ENPP3: variants seen among roughly 807,000 people sequenced by gnomAD.
ENPP3 encodes the protein ectonucleotide pyrophosphatase/phosphodiesterase 3, also known as ectonucleotide pyrophosphatase/phosphodiesterase family member 3.
ENPP3 carries 104 observed loss-of-function variants against 117.8 expected under a neutral mutation model. The observed-to-expected ratio is 0.88, with a 90% CI of 0.75 to 1.04. ENPP3 has a LOEUF of 1.04. Ranked by LOEUF, ENPP3 falls within the 50% of genes least tolerant of loss-of-function variation. The pLI is 0.00. For synonymous variants in ENPP3, 380 were observed against 349.9 expected, an observed-to-expected ratio of 1.09 and a Z score of -0.96; for missense variants, 1,026 against 1,051.9, an observed-to-expected ratio of 0.98 and a Z score of 0.34.
rs568440389 is a variant in ENPP3 at position 131,733,704 on chromosome 6, C to T, written c.2070C>T (p.His690=). 38 of 1,613,942 alleles carry T rather than the reference C, an allele frequency of 2.4e-5. No homozygotes were observed. Among genetic ancestry groups the T allele is most frequent in the African/African-American group, 4.0e-5 (3 of 74,910 alleles). The change falls in exon 21 of 25, where the codon CAC becomes CAT. Residue 690 remains histidine, a synonymous_variant. Coordinates refer to ENST00000357639, the MANE Select transcript of ENPP3 (RefSeq NM_005021.5). ...SFYLADKNIT[H]GFLYPPASNR... is the part of the protein sequence containing the mutation. ...ATTTAGCAGACAAGAATATCACCCA[C>T]GGCTTCCTCTATCCTCCTGGTTAGT...
intron 6 of ENPP3, among the ~76,000 whole-genome samples, chr6:131,661,983 C>T (rs929149415): frequency 1.3e-5 from 2 of 152,172 alleles, no homozygotes; most frequent in African/African-American, 2.4e-5. Context: ...AGACCAATGT[C>T]ATGCAGATTT....
At chr6:131,695,314 G>C (rs1779381331) in intron 15 of ENPP3, among the ~76,000 whole-genome samples, 1 of 152,146 alleles carries the variant, frequency 6.6e-6, no homozygotes, top group African/African-American at 2.4e-5. Flanking sequence ...GCTGTAAAGT[G>C]AGAGCTCGCC....
At chr6:131,726,427 AGGCCAATT>A (rs1780156327) in intron 20 of ENPP3, among the ~76,000 whole-genome samples, 1 of 152,212 alleles carries the variant, frequency 6.6e-6, no homozygotes, top group African/African-American at 2.4e-5. Context: ...AAATGTTTAC[AGGCCAATT>A]GGCCAATTGG....
chr6:131,679,230 G>A (rs1264317887), intron 11 of ENPP3, among the ~76,000 whole-genome samples: 2 of 151,592 alleles, frequency 1.3e-5, no homozygotes, highest in Non-Finnish European at 2.9e-5. Flanking sequence ...GAGTAGCTGG[G>A]ACTACAGGCA....
intron 11 of ENPP3, among the ~76,000 whole-genome samples, chr6:131,682,308 A>T (rs1779039467): frequency 6.6e-6 from 1 of 151,956 alleles, no homozygotes; most frequent in African/African-American, 2.4e-5. Context: ...AGCCTGGGAA[A>T]CTTAATGAGA....
chr6:131,740,283 G>A lies in ENPP3; in HGVS notation c.2360G>A (p.Cys787Tyr). Residue 787 changes from cysteine (C) to tyrosine (Y), a missense_variant, in exon 24 of 25, where the codon TGT (cysteine) becomes TAT (tyrosine). Coordinates refer to ENST00000357639, the MANE Select transcript of ENPP3 (RefSeq NM_005021.5). Reference sequence around the variant, plus strand: ...CACTACTTTGTGGTGCTGACCAGTTGTAAAAACAAGAGCCACACACCGGAA... The same window carrying A: ...CACTACTTTGTGGTGCTGACCAGTTATAAAAACAAGAGCCACACACCGGAA... Reference protein sequence around the residue: ...PTHYFVVLTSCKNKSHTPENC... With the variant: ...PTHYFVVLTSYKNKSHTPENC... 1 of 1,613,250 alleles carries A rather than the reference G, an allele frequency of 6.2e-7. No homozygotes were observed. The highest frequency in any genetic ancestry group is 8.5e-7 in the Non-Finnish European group (1 of 1,179,528).
In ENPP3 at chr6:131,747,141, T is replaced by C. The variant is rs1780654293; in HGVS notation, c.*185T>C. 2.4e-6 allele frequency: 1 copy of C among 409,272 alleles called. No homozygotes were observed. The highest frequency in any genetic ancestry group is 2.1e-5 in the African/African-American group (1 of 48,256). 25.4% of individuals were successfully genotyped at this position (409,272 alleles called of 1,614,324 possible). A position where few individuals can be genotyped will look rare whatever the true frequency, so the allele number is the denominator to read the frequency against. ...CTATGAATATGTATTATTTTAAAGT[T>C]ATATTTTTCACACAGAGATGATGCT... On this transcript the variant is annotated 3_prime_UTR_variant, in exon 25 of 25. Coordinates refer to ENST00000357639, the MANE Select transcript of ENPP3 (RefSeq NM_005021.5).
chr6:131,687,976 A>G (rs577384288), intron 14 of ENPP3, among the ~76,000 whole-genome samples: 75 of 152,132 alleles, frequency 4.9e-4, no homozygotes, highest in Non-Finnish European at 8.5e-4. Flanking sequence ...TTTTTTACCA[A>G]TTGAAGGTTT....
rs142416763 is a variant in ENPP3, at chr6:131,637,647, A to C, written c.78+185A>C. 3.4e-3 allele frequency among the ~76,000 whole-genome samples: 523 copies of C among 152,348 alleles called. 5 individuals carry two copies. The highest frequency in any genetic ancestry group is 0.012 in the African/African-American group (503 of 41,578). ...CTTAAATCATATTTTACACGTAAGAAATTTGAGTAACAACAAGTTAACATT... is the reference window on the plus strand; with the variant it reads ...CTTAAATCATATTTTACACGTAAGACATTTGAGTAACAACAAGTTAACATT... On this transcript the variant is annotated intron_variant, in intron 1 of 24. Coordinates refer to ENST00000357639, the MANE Select transcript of ENPP3 (RefSeq NM_005021.5).
chr6:131,644,553 A>G (rs1425883326), intron 2 of ENPP3, among the ~76,000 whole-genome samples: 1 of 152,226 alleles, frequency 6.6e-6, no homozygotes, highest in African/African-American at 2.4e-5. Flanking sequence ...TTGTATGAAC[A>G]TCTGGAAACA....
In ENPP3 at chr6:131,652,838, C is replaced by T. The variant is rs759361898; in HGVS notation, c.411C>T (p.Thr137=). Residue 137 remains threonine (T), a synonymous_variant, in exon 5 of 25, where the codon ACC becomes ACT. Transcript: ENST00000357639. The stretch of plus-strand genomic sequence containing the variant: ...TGATCTTATGCTTTTCAGGAGAAAC[C>T]TCATGGCTGGAAGAAAACTGTGACA... ...ADYKSVCQGE[T]SWLEENCDTA... is the part of the protein sequence containing the mutation. The T allele has an allele frequency of 5.6e-6, 9 of 1,613,204 alleles. No individual in the cohort carries two copies. The highest frequency in any genetic ancestry group is 1.6e-4 in the Middle Eastern group (1 of 6,082).
At chr6:131,737,554 G>A (rs1780425474) in intron 22 of ENPP3, 122 bp downstream of exon 22, 1 of 632,232 alleles carries the variant, frequency 1.6e-6, no homozygotes, top group Admixed American at 2.7e-5. Flanking sequence ...TTGTTCTAAT[G>A]GTTTAAATAT....
At position 131,674,299 on chromosome 6, in the gene ENPP3, C is replaced by A. The variant is rs376637509; in HGVS notation, c.762+18C>A. On this transcript the variant is annotated intron_variant, in intron 8 of 24. Coordinates refer to ENST00000357639, the MANE Select transcript of ENPP3 (RefSeq NM_005021.5). ...GGCAACCAGTATGTAGCATTCTACA[C>A]GTCGCAACTGAAGTAACCTCCATTT... 1 of 1,612,536 alleles carries A rather than the reference C, an allele frequency of 6.2e-7. No homozygotes were observed. The highest frequency in any genetic ancestry group is 1.1e-5 in the South Asian group (1 of 91,052).
intron 19 of ENPP3, 148 bp downstream of exon 19, chr6:131,724,239 A>C (rs574510466): frequency 1.7e-5 from 10 of 585,568 alleles, no homozygotes; most frequent in East Asian, 2.8e-5. Context: ...AAAAAAAAAA[A>C]CTCACAACAG....
chr6:131,693,139 C>T (rs1000391310), intron 14 of ENPP3, among the ~76,000 whole-genome samples: 2 of 146,754 alleles, frequency 1.4e-5, no homozygotes. Context: ...ACACACACCC[C>T]CAGGAATAAA....
chr6:131,678,054 A>G, intron 11 of ENPP3, 114 bp downstream of exon 11: 1 of 591,068 alleles, frequency 1.7e-6, no homozygotes, highest in South Asian at 2.3e-5. Context: ...TTTGATACAT[A>G]CACAAGAAGA....
intron 20 of ENPP3, among the ~76,000 whole-genome samples, chr6:131,732,737 T>G (rs1481149954): frequency 1.4e-5 from 2 of 146,046 alleles, no homozygotes; most frequent in Admixed American, 1.4e-4. Flanking sequence ...TTATTATTAT[T>G]ATTATTATTA....
At position 131,738,099 on chromosome 6, in the gene ENPP3, G is replaced by A. The variant is rs765007435; in HGVS notation, c.2236G>A (p.Val746Ile). 3.2e-5 allele frequency: 51 copies of A among 1,605,924 alleles called. No homozygotes were observed. The highest frequency in any genetic ancestry group is 4.2e-5 in the Non-Finnish European group (49 of 1,173,610). The change falls in exon 23 of 25, where the codon GTT (valine) becomes ATT (isoleucine). Residue 746 changes from valine (V) to isoleucine (I), a missense_variant. Physicochemically the swap from Val to Ile is conservative, Grantham distance 29. Coordinates refer to ENST00000357639, the MANE Select transcript of ENPP3 (RefSeq NM_005021.5). ...CACAGAAAGAAATGGAGTAAATGTG[G>A]TTAGTGGACCAATATTTGATTATAA... ...HATERNGVNV[V>I]SGPIFDYNYD...
Position 131,658,333 on chromosome 6 carries a change from C to A in ENPP3, c.475C>A (p.Pro159Thr). 6.2e-7 allele frequency: 1 copy of A among 1,603,790 alleles called. No individual in the cohort carries two copies. Among genetic ancestry groups the A allele is most frequent in the Non-Finnish European group, 8.5e-7 (1 of 1,171,030 alleles). The change falls in exon 6 of 25, where the codon CCA becomes ACA. Residue 159 changes from proline to threonine, a missense_variant. By Grantham distance (38) the Pro-to-Thr change is conservative. Coordinates refer to ENST00000357639, the MANE Select transcript of ENPP3 (RefSeq NM_005021.5). ...QSQCPEGFDL[P>T]PVILFSMDGF... is the part of the protein sequence containing the mutation. Reference sequence around the variant, plus strand: ...GTTTTCCATTTTCAGGTTTGACCTGCCACCAGTTATCTTGTTTTCTATGGA... The same window carrying A: ...GTTTTCCATTTTCAGGTTTGACCTGACACCAGTTATCTTGTTTTCTATGGA...
Sources: allele counts gnomAD v4.1 joint callset (sites outside exome capture counted in the v4.1 genomes callset), GRCh38; gene constraint gnomAD v4.1.1; transcripts MANE v1.5; gene names NCBI Gene and HGNC (gene_info 2026-07-23, HGNC 2026-07-21).